The following MAP3K13 variants were observed in gnomAD, a reference collection of about 807,000 sequenced individuals.
The protein encoded by MAP3K13 is mitogen-activated protein kinase kinase kinase 13.
Under a neutral mutation model 104.0 loss-of-function variants are expected in MAP3K13, and 52 were observed. The ratio of observed to expected loss-of-function variants is 0.50; its 90% CI spans 0.40 to 0.63. The LOEUF (loss-of-function observed/expected upper bound fraction) is 0.63. Ranked by LOEUF, MAP3K13 falls within the 20% of genes least tolerant of loss-of-function variation. The pLI, the probability that MAP3K13 is intolerant of heterozygous loss-of-function variation, is 0.00. For synonymous variants in MAP3K13, 394 were observed against 442.2 expected, an observed-to-expected ratio of 0.89 and a Z score of 1.37; for missense variants, 914 against 1,218.5, an observed-to-expected ratio of 0.75 and a Z score of 3.72.
intron 2 of MAP3K13, among the ~76,000 whole-genome samples, chr3:185,432,802 A>G (rs552874952): frequency 2.0e-5 from 3 of 152,360 alleles, no homozygotes; most frequent in Admixed American, 1.3e-4. Flanking sequence ...TTATTTCACA[A>G]ATAAATAAGA....
chr3:185,473,226 A>C lies in MAP3K13; in HGVS notation c.1895A>C (p.His632Pro). 1 of 1,614,162 alleles carries C rather than the reference A, an allele frequency of 6.2e-7. No individual in the cohort carries two copies. The highest frequency in any genetic ancestry group is 8.5e-7 in the Non-Finnish European group (1 of 1,180,028). ...GCTCAATCCCAATACCCTTCTCTTC[A>C]TCACCATAATTCTCTGCAGCAGCAA... Reference protein sequence around the residue: ...HQAQSQYPSLHHHNSLQQQYQ... With the variant: ...HQAQSQYPSLPHHNSLQQQYQ... The change falls in exon 11 of 14, where the codon CAT becomes CCT. Residue 632 changes from histidine to proline, a missense_variant. This residue lies in a region of MAP3K13 where 583 missense variants were observed against 737.4 expected (regional missense o/e 0.79). Coordinates refer to ENST00000265026, the MANE Select transcript of MAP3K13 (RefSeq NM_004721.5). This position sits in a 1 kb window ranked among gnomAD's most constrained non-coding sequence, Gnocchi z 4.9.
intron 2 of MAP3K13, among the ~76,000 whole-genome samples, chr3:185,294,146 A>G (rs2108675122): frequency 6.6e-6 from 1 of 152,302 alleles, no homozygotes; most frequent in African/African-American, 2.4e-5. Context: ...CTGGAAAAGA[A>G]AATGCCATTT....
At chr3:185,329,348 T>C in intron 2 of MAP3K13, 1 of 663,594 alleles carries the variant, frequency 1.5e-6, no homozygotes, top group Non-Finnish European at 2.7e-6. Flanking sequence ...AGATTCATAG[T>C]TACAGATTCA....
intron 10 of MAP3K13, 89 bp from the exon 11 acceptor site, chr3:185,472,886 G>T: frequency 8.3e-7 from 1 of 1,203,076 alleles, no homozygotes; most frequent in Non-Finnish European, 1.2e-6. Context: ...TGATTCAAAG[G>T]CTCTGTGTAT....
At chr3:185,321,715 TG>T (rs1282990924) in intron 2 of MAP3K13, among the ~76,000 whole-genome samples, 2 of 152,232 alleles carry the variant, frequency 1.3e-5, no homozygotes, top group African/African-American at 4.8e-5. Flanking sequence ...GCAATTCTCC[TG>T]CCTCAGCCTC....
chr3:185,376,411 C>T (rs187223777), intron 1 of MAP3K13, among the ~76,000 whole-genome samples: 6 of 152,142 alleles, frequency 3.9e-5, no homozygotes, highest in African/African-American at 7.2e-5. Flanking sequence ...AGCCACTGCA[C>T]GCAGACGTGA....
intron 2 of MAP3K13, among the ~76,000 whole-genome samples, chr3:185,336,575 A>AAGTATCTCT (rs112306862): frequency 6.8e-6 from 1 of 147,150 alleles, no homozygotes; most frequent in Non-Finnish European, 1.5e-5. Flanking sequence ...AAGTTTAAGG[A>AAGTATCTCT]ATAATATTTC....
At chr3:185,409,012 T>TTG (rs1713278302) in intron 1 of MAP3K13, among the ~76,000 whole-genome samples, 2 of 151,942 alleles carry the variant, frequency 1.3e-5, no homozygotes, top group South Asian at 4.2e-4. Flanking sequence ...TGGACTAGAG[T>TTG]TGGACATAGA....
In MAP3K13 at chr3:185,376,474, C is replaced by T. The variant is rs141979356; in HGVS notation, c.-86+13106C>T. Among the ~76,000 whole-genome samples, 672 of 152,194 alleles carry T rather than the reference C, an allele frequency of 4.4e-3. 9 individuals carry two copies. Among genetic ancestry groups the T allele is most frequent in the African/African-American group, 0.015 (625 of 41,510 alleles). ...TTGTTTGGACAGAAAGGCTACAGGG[C>T]GCAGTCCCGGCTCTTGTGTGAGAAC... is the stretch of plus-strand genomic sequence containing the variant. On this transcript the variant is annotated intron_variant, in intron 1 of 13. Coordinates refer to ENST00000265026, the MANE Select transcript of MAP3K13 (RefSeq NM_004721.5).
chr3:185,447,266 C>T (rs1206047833), intron 4 of MAP3K13, among the ~76,000 whole-genome samples: 2 of 151,522 alleles, frequency 1.3e-5, no homozygotes, highest in South Asian at 2.1e-4. Flanking sequence ...TGAGATGGGT[C>T]GATCACCTGA....
At chr3:185,329,289 G>GT in intron 2 of MAP3K13, 2 of 702,314 alleles carry the variant, frequency 2.8e-6, no homozygotes, top group South Asian at 3.0e-5. Context: ...TTTCTAAGCA[G>GT]TGCTTAGATT....
chr3:185,377,300 C>T (rs920242122), intron 1 of MAP3K13, among the ~76,000 whole-genome samples: 4 of 152,048 alleles, frequency 2.6e-5, no homozygotes, highest in Non-Finnish European at 5.9e-5. Flanking sequence ...TGGCATTGAG[C>T]AGGGTAAGGG....
At chr3:185,472,843 C>G in intron 10 of MAP3K13, 132 bp from the exon 11 acceptor site, 1 of 836,408 alleles carries the variant, frequency 1.2e-6, no homozygotes, top group Admixed American at 2.6e-5. Flanking sequence ...ACCCCTCATA[C>G]GTTATCTCTA....
At chr3:185,355,358 T>A (rs1723306951) in intron 2 of MAP3K13, among the ~76,000 whole-genome samples, 1 of 151,500 alleles carries the variant, frequency 6.6e-6, no homozygotes, top group East Asian at 1.9e-4. Context: ...TCCCAGCTAC[T>A]CCAGAGGCTG....
intron 1 of MAP3K13, among the ~76,000 whole-genome samples, chr3:185,401,151 A>G (rs752399557): frequency 1.3e-5 from 2 of 151,966 alleles, no homozygotes; most frequent in African/African-American, 2.4e-5. Flanking sequence ...TAATATCACC[A>G]TTTTCTTTTC....
chr3:185,343,815 C>G (rs1247236472), intron 2 of MAP3K13, among the ~76,000 whole-genome samples: 1 of 151,958 alleles, frequency 6.6e-6, no homozygotes, highest in Non-Finnish European at 1.5e-5. Context: ...ATACATGATC[C>G]CAAAACATAC....
chr3:185,443,208 C>A (rs184066134), intron 3 of MAP3K13, among the ~76,000 whole-genome samples: 1 of 152,276 alleles, frequency 6.6e-6, no homozygotes, highest in Non-Finnish European at 1.5e-5. Context: ...GCACCAGACA[C>A]AGCACAGCAT....
At position 185,354,456 on chromosome 3, in the gene MAP3K13, T is replaced by C. The variant is rs541105672; in HGVS notation, c.-86+68813T>C. On this transcript the variant is annotated intron_variant, in intron 2 of 14. Coordinates refer to the MAP3K13 transcript ENST00000424227. ...TGCTCTCCGCTGCCCTCTGTTGACA[T>C]AGAGAGGTAGGAGCAGACCCTTAGC... is the stretch of plus-strand genomic sequence containing the variant. Among the ~76,000 whole-genome samples the C allele has an allele frequency of 6.7e-5, 10 of 149,378 alleles. No homozygotes were observed. The South Asian group carries it at 2.2e-3, about 32-fold the overall frequency.
At position 185,449,913 on chromosome 3, in the gene MAP3K13, G is replaced by A; in HGVS notation, c.1024G>A (p.Val342Met). 6.2e-7 allele frequency: 1 copy of A among 1,610,476 alleles called. No individual in the cohort carries two copies. The highest frequency in any genetic ancestry group is 1.3e-5 in the African/African-American group (1 of 74,786). ...GCGCTACTGTAGGTCTTTTGGAGTG[G>A]TGCTTTGGGAGCTGCTGACAGGAGA... is the stretch of plus-strand genomic sequence containing the variant. ...EKVDIWSFGV[V>M]LWELLTGEIP... is the part of the protein sequence containing the mutation. Residue 342 changes from valine (V) to methionine (M), a missense_variant, in exon 6 of 14, where the codon GTG (valine) becomes ATG (methionine). Physicochemically the swap from Val to Met is conservative, Grantham distance 21. Around this residue, in one of 3 missense-constraint regions of MAP3K13, gnomAD observed 175 missense variants for 321.3 expected, o/e 0.54. Coordinates refer to ENST00000265026, the MANE Select transcript of MAP3K13 (RefSeq NM_004721.5).
Sources: gnomAD v4.1 joint callset for allele counts (sites outside exome capture counted in the v4.1 genomes callset) on GRCh38, gnomAD v4.1.1 for gene constraint, gnomAD v4.1.1 regional missense constraint, Gnocchi (gnomAD v3.1) non-coding constraint, MANE v1.5 for transcripts, NCBI Gene and HGNC (gene_info 2026-07-23, HGNC 2026-07-21) for gene names.